The following ANXA1 variants were observed in gnomAD, a reference collection of about 807,000 sequenced individuals.
ANXA1 encodes the protein annexin A1.
In ANXA1, 39 loss-of-function variants were observed where a neutral mutation model predicts 47.9. The observed-to-expected ratio is 0.81, with a 90% confidence interval of 0.63 to 1.06. The LOEUF is 1.06. ANXA1 is among the 50% of genes least tolerant of loss of function. ANXA1 has a pLI of 0.00. For missense variants in ANXA1, 446 were observed against 422.7 expected (o/e 1.06, Z -0.48); for synonymous variants, 146 against 142.5 (o/e 1.02, Z -0.17).
chr9:73,167,288 G>A (rs546167478), intron 10 of ANXA1, among the ~76,000 whole-genome samples: 1 of 152,154 alleles, frequency 6.6e-6, no homozygotes, highest in East Asian at 1.9e-4. Context: ...AAAATTGATC[G>A]TCAGGGAAAA....
chr9:73,160,263 C>T lies in ANXA1; in HGVS notation c.271C>T (p.Pro91Ser). ...CTGATTCTAATCTTTTTTTTTGTAG[C>T]CCCTGGATGAAACACTGAAGAAAGC... Reference protein sequence around the residue: ...KAAYLQETGKPLDETLKKALT... With the variant: ...KAAYLQETGKSLDETLKKALT... The change falls in exon 5 of 13, where the codon CCC becomes TCC. Residue 91 changes from proline to serine, a missense_variant and splice_region_variant. Coordinates refer to ENST00000257497, the MANE Select transcript of ANXA1 (RefSeq NM_000700.3). 1 of 1,543,718 alleles carries T rather than the reference C, an allele frequency of 6.5e-7. No individual in the cohort carries two copies. Among genetic ancestry groups the T allele is most frequent in the Non-Finnish European group, 8.7e-7 (1 of 1,153,998 alleles).
intron 9 of ANXA1, chr9:73,165,638 G>T (rs1432305610): frequency 6.0e-6 from 1 of 166,116 alleles, no homozygotes; most frequent in Non-Finnish European, 1.3e-5. Flanking sequence ...CCTGGCCTTT[G>T]AGTGCAAGAT....
chr9:73,155,950 T>C (rs1426935223), intron 1 of ANXA1, among the ~76,000 whole-genome samples: 1 of 147,284 alleles, frequency 6.8e-6, no homozygotes, highest in South Asian at 2.1e-4. Flanking sequence ...ATTATTCAAG[T>C]ATTTTTTAGA....
At chr9:73,152,704 G>C (rs988988932) in intron 1 of ANXA1, among the ~76,000 whole-genome samples, 2 of 152,150 alleles carry the variant, frequency 1.3e-5, no homozygotes, top group African/African-American at 4.8e-5. Context: ...TATTCCACTT[G>C]ATTGTTGCAT....
intron 8 of ANXA1, among the ~76,000 whole-genome samples, chr9:73,164,270 C>T (rs1452621352): frequency 6.6e-6 from 1 of 152,156 alleles, no homozygotes; most frequent in Admixed American, 6.6e-5. Context: ...ACATAATAGG[C>T]ACTCATGAAC....
rs758853777 is a variant in ANXA1, at chr9:73,158,589, G to A, written c.54G>A (p.Glu18=). The change falls in exon 2 of 13, where the codon GAG becomes GAA. Residue 18 remains glutamate (E), a synonymous_variant. Transcript: ENST00000257497. Reference sequence around the variant, plus strand: ...AGGCCTGGTTTATTGAAAATGAAGAGCAGGAATATGTTGTAAGTAGAGTGA... The same window carrying A: ...AGGCCTGGTTTATTGAAAATGAAGAACAGGAATATGTTGTAAGTAGAGTGA... ...LKQAWFIENE[E]QEYVQTVKSS... 2.5e-5 allele frequency: 40 copies of A among 1,613,436 alleles called. No homozygotes were observed. The highest frequency in any genetic ancestry group is 3.4e-5 in the Non-Finnish European group (40 of 1,179,712).
Position 73,161,036 on chromosome 9 carries a change from C to T in ANXA1, c.475+143C>T, listed in dbSNP as rs1824134506. 3 of 574,116 alleles carry T rather than the reference C, an allele frequency of 5.2e-6. No individual in the cohort carries two copies. The South Asian group carries it at 8.2e-5, about 16-fold the overall frequency. 35.6% of individuals were successfully genotyped at this position (574,116 alleles called of 1,614,324 possible). On this transcript the variant is annotated intron_variant, in intron 6 of 12. Transcript: ENST00000257497. Reference sequence around the variant, plus strand: ...TGTTTCTTTATTGTTTGGCACATGTCTATTAAATGCTGTTACCAGGCAACG... The same window carrying T: ...TGTTTCTTTATTGTTTGGCACATGTTTATTAAATGCTGTTACCAGGCAACG...
Position 73,165,154 on chromosome 9 carries a change from C to A in ANXA1, c.651C>A (p.Asp217Glu), listed in dbSNP as rs370232910. 1.2e-6 allele frequency: 2 copies of A among 1,612,724 alleles called. No individual in the cohort carries two copies. Among genetic ancestry groups the A allele is most frequent in the Non-Finnish European group, 1.7e-6 (2 of 1,179,096 alleles). Residue 217 changes from aspartate (D) to glutamate (E), a missense_variant, in exon 9 of 13, where the codon GAC becomes GAA. Physicochemically the swap from Asp to Glu is conservative, Grantham distance 45. Transcript: ENST00000257497. ...YEAGERRKGT[D>E]VNVFNTILTT... is the part of the protein sequence containing the mutation. Reference sequence around the variant, plus strand: ...CAGGAGAAAGGAGAAAGGGGACAGACGTAAACGTGTTCAATACCATCCTTA... The same window carrying A: ...CAGGAGAAAGGAGAAAGGGGACAGAAGTAAACGTGTTCAATACCATCCTTA...
intron 8 of ANXA1, among the ~76,000 whole-genome samples, chr9:73,164,799 A>G (rs1051079384): frequency 3.9e-5 from 6 of 152,134 alleles, no homozygotes; most frequent in African/African-American, 1.4e-4. Flanking sequence ...ACACAGAGTA[A>G]AAAATCTTTA....
At chr9:73,154,148 C>G (rs1482985651) in intron 1 of ANXA1, 1 of 374,836 alleles carries the variant, frequency 2.7e-6, no homozygotes, top group Admixed American at 4.1e-5. Context: ...TCATAAATTG[C>G]TTTCTGTAAG....
intron 6 of ANXA1, among the ~76,000 whole-genome samples, chr9:73,162,345 A>T (rs887565832): frequency 8.5e-5 from 13 of 152,232 alleles, no homozygotes; most frequent in Admixed American, 4.6e-4. Flanking sequence ...AAATCATCAA[A>T]CTGCATTACT....
At chr9:73,160,012 A>G (rs1177790806) in intron 4 of ANXA1, 1 of 278,714 alleles carries the variant, frequency 3.6e-6, no homozygotes, top group Non-Finnish European at 6.6e-6. Flanking sequence ...CCCTGTGTAT[A>G]AGATTACTAA....
At chr9:73,163,192 C>T (rs1424925030) in intron 7 of ANXA1, among the ~76,000 whole-genome samples, 2 of 152,010 alleles carry the variant, frequency 1.3e-5, no homozygotes, top group African/African-American at 4.8e-5. Context: ...GAACTCATTC[C>T]CAGTGACGGC....
intron 6 of ANXA1, 29 bp from the exon 7 acceptor site, chr9:73,162,753 C>G: frequency 6.5e-7 from 1 of 1,538,644 alleles, no homozygotes; most frequent in South Asian, 1.1e-5. Context: ...CACTGGTTTA[C>G]TATAAAATCT....
At chr9:73,169,262 T>A in intron 12 of ANXA1, 108 bp downstream of exon 12, 1 of 1,213,740 alleles carries the variant, frequency 8.2e-7, no homozygotes, top group Non-Finnish European at 1.1e-6. Flanking sequence ...TATGTAAGAT[T>A]AATTTAATAT....
rs368581314 is a variant in ANXA1 at position 73,160,383 on chromosome 9, C to T, written c.384+7C>T. 1.2e-3 allele frequency: 1,890 copies of T among 1,552,992 alleles called. 13 individuals are homozygous for T. The highest frequency in any genetic ancestry group is 8.5e-3 in the South Asian group (686 of 80,884). On this transcript the variant is annotated splice_region_variant and intron_variant, in intron 5 of 12. Transcript: ENST00000257497. ...ACTTCGTGCTGCCATGAAGGTAAAT[C>T]GCCCAATTTGAGCAAACTCCTTTCC...
At chr9:73,156,669 G>C (rs1194639631) in intron 1 of ANXA1, among the ~76,000 whole-genome samples, 2 of 151,298 alleles carry the variant, frequency 1.3e-5, no homozygotes, top group African/African-American at 4.9e-5. Context: ...GGTGAAAATG[G>C]AAAGAGTTTG....
chr9:73,158,450 T>G, intron 1 of ANXA1, 72 bp from the exon 2 acceptor site: 1 of 1,148,322 alleles, frequency 8.7e-7, no homozygotes, highest in Non-Finnish European at 1.3e-6. Context: ...CTTATGTATG[T>G]AAGAGGTGAG....
chr9:73,165,960 A>G, intron 9 of ANXA1, 137 bp from the exon 10 acceptor site: 1 of 587,580 alleles, frequency 1.7e-6, no homozygotes, highest in Non-Finnish European at 3.0e-6. Context: ...GTTATGATTA[A>G]TTGGGTATAT....
Sources: allele counts gnomAD v4.1 joint callset (sites outside exome capture counted in the v4.1 genomes callset), GRCh38; gene constraint gnomAD v4.1.1; transcripts MANE v1.5; gene names NCBI Gene and HGNC (gene_info 2026-07-23, HGNC 2026-07-21).